Variants in SMPD2 observed in about 807,000 individuals in gnomAD.
SMPD2 encodes the protein N-SMase.
SMPD2 carries 35 observed loss-of-function variants against 41.7 expected under a neutral mutation model. The observed-to-expected ratio is 0.84, with a 90% CI of 0.64 to 1.11. SMPD2 has a LOEUF of 1.11. SMPD2 is among the 50% of genes most tolerant of loss of function. SMPD2 has a pLI of 0.00. For missense variants in SMPD2, 520 were observed against 524.8 expected (o/e 0.99, Z 0.09); for synonymous variants, 201 against 208.2 (o/e 0.97, Z 0.30).
Position 109,440,857 on chromosome 6 carries a change from G to T in SMPD2, c.-265G>T, listed in dbSNP as rs1054107986. Reference sequence around the variant, plus strand: ...CGGACCCCCAGGGTCCTAGCGCGCGGCCCTTACCGAGCCTGGGCGCCCGGA... The same window carrying T: ...CGGACCCCCAGGGTCCTAGCGCGCGTCCCTTACCGAGCCTGGGCGCCCGGA... On this transcript the variant is annotated 5_prime_UTR_variant, in exon 1 of 10. Coordinates refer to ENST00000258052, the MANE Select transcript of SMPD2 (RefSeq NM_003080.3). The T allele has an allele frequency of 1.9e-6, 1 of 522,794 alleles. No individual in the cohort carries two copies. The highest frequency in any genetic ancestry group is 3.3e-6 in the Non-Finnish European group (1 of 301,450). 32.4% of individuals were successfully genotyped at this position (522,794 alleles called of 1,614,324 possible).
At chr6:109,442,416 G>A in intron 5 of SMPD2, 117 bp downstream of exon 5, 1 of 1,330,514 alleles carries the variant, frequency 7.5e-7, no homozygotes, top group Non-Finnish European at 1.1e-6. Context: ...GATCTTATAA[G>A]GAAGCAATGG....
chr6:109,442,635 C>T lies in SMPD2; in HGVS notation c.491+10C>T. 1 of 1,614,142 alleles carries T rather than the reference C, an allele frequency of 6.2e-7. No individual in the cohort carries two copies. The highest frequency in any genetic ancestry group is 2.2e-5 in the East Asian group (1 of 44,874). ...TGGCCCAGTTCATCCAGTGTGTGAG[C>T]CTGGGCTTGAAATGGGAAGTGGGAT... is the stretch of plus-strand genomic sequence containing the variant. On this transcript the variant is annotated intron_variant, in intron 6 of 9. Transcript: ENST00000258052.
At chr6:109,443,192 TG>T in intron 8 of SMPD2, 74 bp from the exon 9 acceptor site, 1 of 1,576,872 alleles carries the variant, frequency 6.3e-7, no homozygotes, top group Non-Finnish European at 8.7e-7. Flanking sequence ...GGGTGGAAAG[TG>T]GGGTAGCCGG....
Position 109,442,874 on chromosome 6 carries a change from G to A in SMPD2, c.614G>A (p.Arg205Gln), listed in dbSNP as rs143277071. ...TGLHDAYLET[R>Q]DFKGSEEGNT... Reference sequence around the variant, plus strand: ...CTTCATGATGCCTATCTTGAAACTCGGGACTTCAAGGTGAGGACTTGCCTG... The same window carrying A: ...CTTCATGATGCCTATCTTGAAACTCAGGACTTCAAGGTGAGGACTTGCCTG... Residue 205 changes from arginine to glutamine, a missense_variant, in exon 7 of 10, where the codon CGG (arginine) becomes CAG (glutamine). Transcript: ENST00000258052. 5.0e-6 allele frequency: 8 copies of A among 1,612,312 alleles called. No individual in the cohort carries two copies. The highest frequency in any genetic ancestry group is 2.7e-5 in the African/African-American group (2 of 74,858).
At position 109,442,295 on chromosome 6, in the gene SMPD2, C is replaced by G. The variant is rs141286402; in HGVS notation, c.404C>G (p.Thr135Ser). Residue 135 changes from threonine (T) to serine (S), a missense_variant, in exon 5 of 10, where the codon ACC (threonine) becomes AGC (serine). Thr to Ser is a moderately conservative substitution (Grantham distance 58, BLOSUM62 1). Coordinates refer to ENST00000258052, the MANE Select transcript of SMPD2 (RefSeq NM_003080.3). ...LSGMVLNAYV[T>S]HLHAEYNRQK... ...GGCATGGTGCTCAACGCCTATGTGACCCATGTGAGTGAAGCTGGCAGTGCC... is the reference window on the plus strand; with the variant it reads ...GGCATGGTGCTCAACGCCTATGTGAGCCATGTGAGTGAAGCTGGCAGTGCC... 1.9e-3 allele frequency: 3,044 copies of G among 1,613,670 alleles called. 4 individuals carry two copies. The highest frequency in any genetic ancestry group is 2.3e-3 in the Non-Finnish European group (2,755 of 1,179,680).
intron 5 of SMPD2, 47 bp from the exon 6 acceptor site, chr6:109,442,496 C>T (rs1331753844): frequency 6.5e-7 from 1 of 1,538,996 alleles, no homozygotes; most frequent in East Asian, 2.3e-5. Flanking sequence ...AGACATACCC[C>T]TGGGACCCTC....
chr6:109,443,890 A>G lies in SMPD2; in HGVS notation c.1257A>G (p.Arg419=), dbSNP rs1775079602. 1.2e-6 allele frequency: 2 copies of G among 1,607,546 alleles called. No individual in the cohort carries two copies. Among genetic ancestry groups the G allele is most frequent in the African/African-American group, 2.7e-5 (2 of 74,642 alleles). Residue 419 remains arginine (R), a synonymous_variant, in exon 10 of 10, where the codon AGA becomes AGG. Transcript: ENST00000258052. ...TCCTGGGGCAGCAGGAGGGGGACAG[A>G]ACTAAAGAACAATAAAGCTTGGCCC... ...ALLLGQQEGD[R]TKEQ
At position 109,441,144 on chromosome 6, in the gene SMPD2, G is replaced by T; in HGVS notation, c.23G>T (p.Arg8Leu). ...ACCATGAAGCCCAACTTCTCCCTGCGACTGCGGATCTTCAACCTCAACTGC... is the reference window on the plus strand; with the variant it reads ...ACCATGAAGCCCAACTTCTCCCTGCTACTGCGGATCTTCAACCTCAACTGC... MKPNFSLRLRIFNLNCWG... is the reference protein window; with the variant it reads MKPNFSLLLRIFNLNCWG... The change falls in exon 1 of 10, where the codon CGA (arginine) becomes CTA (leucine). Residue 8 changes from arginine to leucine, a missense_variant. Arg to Leu is a moderately radical substitution (Grantham distance 102). Coordinates refer to ENST00000258052, the MANE Select transcript of SMPD2 (RefSeq NM_003080.3). 1 of 1,614,156 alleles carries T rather than the reference G, an allele frequency of 6.2e-7. No homozygotes were observed. The highest frequency in any genetic ancestry group is 8.5e-7 in the Non-Finnish European group (1 of 1,180,022).
In SMPD2 at chr6:109,441,143, C is replaced by A. The variant is rs767344988; in HGVS notation, c.22C>A (p.Arg8=). MKPNFSL[R]LRIFNLNCWG... Reference sequence around the variant, plus strand: ...AACCATGAAGCCCAACTTCTCCCTGCGACTGCGGATCTTCAACCTCAACTG... The same window carrying A: ...AACCATGAAGCCCAACTTCTCCCTGAGACTGCGGATCTTCAACCTCAACTG... Residue 8 remains arginine (R), a synonymous_variant, in exon 1 of 10, where the codon CGA becomes AGA. Coordinates refer to ENST00000258052, the MANE Select transcript of SMPD2 (RefSeq NM_003080.3). 1.2e-6 allele frequency: 2 copies of A among 1,614,220 alleles called. No individual in the cohort carries two copies. Among genetic ancestry groups the A allele is most frequent in the East Asian group, 2.2e-5 (1 of 44,872 alleles).
intron 3 of SMPD2, 150 bp downstream of exon 3, chr6:109,441,778 C>T (rs1446019856): frequency 4.0e-5 from 37 of 919,880 alleles, no homozygotes; most frequent in Non-Finnish European, 6.0e-5. Flanking sequence ...CAAGAAGGTC[C>T]TATGACTTCA....
chr6:109,443,241 TTC>T (rs1775030388), intron 8 of SMPD2, 24 bp from the exon 9 acceptor site: 1 of 1,611,824 alleles, frequency 6.2e-7, no homozygotes, highest in Admixed American at 1.7e-5. Flanking sequence ...ATATATAAGC[TTC>T]TCTCTGGCCC....
At position 109,443,891 on chromosome 6, in the gene SMPD2, A is replaced by C. The variant is rs368060103; in HGVS notation, c.1258A>C (p.Thr420Pro). ...CCTGGGGCAGCAGGAGGGGGACAGAACTAAAGAACAATAAAGCTTGGCCCT... is the reference window on the plus strand; with the variant it reads ...CCTGGGGCAGCAGGAGGGGGACAGACCTAAAGAACAATAAAGCTTGGCCCT... ...LLLGQQEGDR[T>P]KEQ The change falls in exon 10 of 10, where the codon ACT becomes CCT. Residue 420 changes from threonine to proline, a missense_variant. By Grantham distance (38) the Thr-to-Pro change is conservative (BLOSUM62 -1). Transcript: ENST00000258052. 1.9e-6 allele frequency: 3 copies of C among 1,607,298 alleles called. No individual in the cohort carries two copies. Among genetic ancestry groups the C allele is most frequent in the Non-Finnish European group, 2.5e-6 (3 of 1,177,366 alleles).
At position 109,442,974 on chromosome 6, in the gene SMPD2, T is replaced by C; in HGVS notation, c.625-3T>C. Reference sequence around the variant, plus strand: ...TCCTAGCATGAGCCAATGATTCCCTTAGGGCTCTGAGGAAGGCAACACAAT... The same window carrying C: ...TCCTAGCATGAGCCAATGATTCCCTCAGGGCTCTGAGGAAGGCAACACAAT... On this transcript the variant is annotated splice_polypyrimidine_tract_variant and splice_region_variant and intron_variant, in intron 7 of 9. Coordinates refer to ENST00000258052, the MANE Select transcript of SMPD2 (RefSeq NM_003080.3). The C allele has an allele frequency of 6.2e-7, 1 of 1,613,810 alleles. No individual in the cohort carries two copies. Among genetic ancestry groups the C allele is most frequent in the African/African-American group, 1.3e-5 (1 of 75,054 alleles).
At position 109,441,144 on chromosome 6, in the gene SMPD2, G is replaced by A. The variant is rs752471965; in HGVS notation, c.23G>A (p.Arg8Gln). 4 of 1,614,038 alleles carry A rather than the reference G, an allele frequency of 2.5e-6. No individual in the cohort carries two copies. The highest frequency in any genetic ancestry group is 2.7e-5 in the African/African-American group (2 of 74,928). The change falls in exon 1 of 10, where the codon CGA becomes CAA. Residue 8 changes from arginine (R) to glutamine (Q), a missense_variant. By Grantham distance (43) the Arg-to-Gln change is conservative. Coordinates refer to ENST00000258052, the MANE Select transcript of SMPD2 (RefSeq NM_003080.3). ...ACCATGAAGCCCAACTTCTCCCTGC[G>A]ACTGCGGATCTTCAACCTCAACTGC... MKPNFSL[R>Q]LRIFNLNCWG...
chr6:109,440,858 C>A lies in SMPD2; in HGVS notation c.-264C>A. On this transcript the variant is annotated 5_prime_UTR_variant, in exon 1 of 10. Transcript: ENST00000258052. ...GGACCCCCAGGGTCCTAGCGCGCGG[C>A]CCTTACCGAGCCTGGGCGCCCGGAT... 1 of 525,232 alleles carries A rather than the reference C, an allele frequency of 1.9e-6. No homozygotes were observed. The highest frequency in any genetic ancestry group is 3.3e-6 in the Non-Finnish European group (1 of 303,018). The allele number at this position is 525,232 out of a possible 1,614,324, so 32.5% of individuals were successfully genotyped here. A position where few individuals can be genotyped will look rare whatever the true frequency, so the allele number is the denominator to read the frequency against.
chr6:109,441,689 C>CCTTCCCTATCCTGCCTGCA (rs1232255061), intron 3 of SMPD2, 61 bp downstream of exon 3: 2 of 1,442,818 alleles, frequency 1.4e-6, no homozygotes, highest in East Asian at 4.5e-5. Flanking sequence ...CCCTGCCAGC[C>CCTTCCCTATCCTGCCTGCA]CTTCCCTATC....
Position 109,443,642 on chromosome 6 carries a change from C to G in SMPD2, c.1009C>G (p.Leu337Val). ...CTATGTGATTGGCCTGGGGCTGCTTCTCCTGGCACTGCTGTGTGTCCTGGC... is the reference window on the plus strand; with the variant it reads ...CTATGTGATTGGCCTGGGGCTGCTTGTCCTGGCACTGCTGTGTGTCCTGGC... Reference protein sequence around the residue: ...ASYVIGLGLLLLALLCVLAAG... With the variant: ...ASYVIGLGLLVLALLCVLAAG... The change falls in exon 10 of 10, where the codon CTC becomes GTC. Residue 337 changes from leucine to valine, a missense_variant. Leu to Val is a conservative substitution (Grantham distance 32). Transcript: ENST00000258052. 4 of 1,613,914 alleles carry G rather than the reference C, an allele frequency of 2.5e-6. No individual in the cohort carries two copies. The highest frequency in any genetic ancestry group is 3.4e-6 in the Non-Finnish European group (4 of 1,179,926).
In SMPD2 at chr6:109,442,819, G is replaced by A. The variant is rs1774994285; in HGVS notation, c.559G>A (p.Gly187Ser). The part of the protein sequence containing the change: ...GDLNMHPEDL[G>S]CCLLKEWTGL... ...CCTCAACATGCACCCAGAAGACCTG[G>A]GCTGCTGCCTGCTGAAGGAGTGGAC... The change falls in exon 7 of 10, where the codon GGC becomes AGC. Residue 187 changes from glycine (G) to serine (S), a missense_variant. By Grantham distance (56) the Gly-to-Ser change is moderately conservative. Transcript: ENST00000258052. 1 of 1,614,138 alleles carries A rather than the reference G, an allele frequency of 6.2e-7. No individual in the cohort carries two copies. Among genetic ancestry groups the A allele is most frequent in the South Asian group, 1.1e-5 (1 of 91,080 alleles).
At position 109,443,386 on chromosome 6, in the gene SMPD2, C is replaced by T; in HGVS notation, c.849C>T (p.His283=). The T allele has an allele frequency of 1.2e-6, 2 of 1,614,086 alleles. No homozygotes were observed. The highest frequency in any genetic ancestry group is 1.1e-5 in the South Asian group (1 of 91,086). ...TGATGGCTACTCTGTTTGTGAGGCA[C>T]AGCCCCCCACAGCAGAACCCCAGCT... ...EALMATLFVR[H]SPPQQNPSST... The change falls in exon 9 of 10, where the codon CAC becomes CAT. Residue 283 remains histidine, a synonymous_variant. Coordinates refer to ENST00000258052, the MANE Select transcript of SMPD2 (RefSeq NM_003080.3).
Sources: allele counts gnomAD v4.1 joint callset, GRCh38; gene constraint gnomAD v4.1.1; transcripts MANE v1.5; gene names NCBI Gene and HGNC (gene_info 2026-07-23, HGNC 2026-07-21).